PELI2: variants seen among roughly 807,000 people sequenced by gnomAD.
PELI2 encodes E3 ubiquitin-protein ligase pellino homolog 2.
A neutral mutation model predicts 42.3 loss-of-function variants in PELI2; 23 were observed. That is an observed-to-expected ratio of 0.54 (90% CI 0.39 to 0.77). The LOEUF (loss-of-function observed/expected upper bound fraction) is 0.77. PELI2 is among the 30% of genes least tolerant of loss of function. The pLI is 0.00. For missense variants in PELI2, 463 were observed against 553.2 expected (o/e 0.84, Z 1.64); for synonymous variants, 245 against 212.2 (o/e 1.15, Z -1.34).
chr14:56,193,685 G>A (rs1310842338), intron 2 of PELI2, among the ~76,000 whole-genome samples: 1 of 152,176 alleles, frequency 6.6e-6, no homozygotes, highest in Non-Finnish European at 1.5e-5. Flanking sequence ...TCTCAAATAT[G>A]TTAATGACCA....
chr14:56,187,328 A>G (rs747183534), intron 2 of PELI2, among the ~76,000 whole-genome samples: 16 of 152,366 alleles, frequency 1.1e-4, no homozygotes, highest in Non-Finnish European at 2.2e-4. Flanking sequence ...TTGTAGACCT[A>G]CAAGGGACAA....
At chr14:56,233,951 G>C (rs1887685791) in intron 2 of PELI2, among the ~76,000 whole-genome samples, 1 of 152,216 alleles carries the variant, frequency 6.6e-6, no homozygotes, top group Admixed American at 6.5e-5. Context: ...GACATGAACA[G>C]ATACTTCTCA....
intron 2 of PELI2, among the ~76,000 whole-genome samples, chr14:56,271,617 G>T (rs1472635622): frequency 6.6e-6 from 1 of 152,184 alleles, no homozygotes; most frequent in Non-Finnish European, 1.5e-5. Flanking sequence ...ATCTGCAGGG[G>T]AGCCGATACT....
chr14:56,214,440 A>G (rs1886826483), intron 2 of PELI2, among the ~76,000 whole-genome samples: 1 of 152,204 alleles, frequency 6.6e-6, no homozygotes, highest in Non-Finnish European at 1.5e-5. Flanking sequence ...TCTACAAATG[A>G]TAATGTGTAT....
At position 56,256,432 on chromosome 14, in the gene PELI2, A is replaced by G. The variant is rs112889152; in HGVS notation, c.208-23244A>G. On this transcript the variant is annotated intron_variant, in intron 2 of 5. Transcript: ENST00000267460. ...GGAACCACTGCATGCCAGCCTGGGC[A>G]AAGATCGAGACCCTGTCTCAAAAAA... Among the ~76,000 whole-genome samples the G allele has an allele frequency of 5.8e-4, 89 of 152,258 alleles. 1 individual carries two copies. Among genetic ancestry groups the G allele is most frequent in the African/African-American group, 2.0e-3 (85 of 41,542 alleles).
At chr14:56,185,966 G>C (rs1248290004) in intron 2 of PELI2, among the ~76,000 whole-genome samples, 2 of 152,032 alleles carry the variant, frequency 1.3e-5, no homozygotes, top group African/African-American at 2.4e-5. Context: ...TGGAATCTGT[G>C]AATATATTAC....
intron 2 of PELI2, among the ~76,000 whole-genome samples, chr14:56,227,806 T>TG (rs1294700119): frequency 1.3e-5 from 2 of 152,194 alleles, no homozygotes; most frequent in Non-Finnish European, 2.9e-5. Flanking sequence ...AACATTGTGT[T>TG]GTGCCAAAAA....
At chr14:56,251,710 G>A (rs897785873) in intron 2 of PELI2, among the ~76,000 whole-genome samples, 3 of 152,160 alleles carry the variant, frequency 2.0e-5, no homozygotes, top group African/African-American at 4.8e-5. Context: ...TTTTTGACAC[G>A]AACTACTCTT....
At chr14:56,119,518 C>T (rs1298129129) in intron 1 of PELI2, among the ~76,000 whole-genome samples, 1 of 152,228 alleles carries the variant, frequency 6.6e-6, no homozygotes, top group Non-Finnish European at 1.5e-5. Context: ...CCCGCCTCGG[C>T]TCCCTCTCTG....
intron 2 of PELI2, among the ~76,000 whole-genome samples, chr14:56,225,411 G>T (rs1169884716): frequency 1.3e-5 from 2 of 152,228 alleles, no homozygotes; most frequent in Non-Finnish European, 2.9e-5. Flanking sequence ...GCTGTCAGAT[G>T]TGGAGGATGA....
intron 2 of PELI2, among the ~76,000 whole-genome samples, chr14:56,232,219 A>G (rs1304203710): frequency 6.6e-6 from 1 of 152,188 alleles, no homozygotes; most frequent in Non-Finnish European, 1.5e-5. Context: ...AAACTATTCC[A>G]ATCAATAGAA....
At chr14:56,207,402 C>G (rs1453513637) in intron 2 of PELI2, among the ~76,000 whole-genome samples, 3 of 152,100 alleles carry the variant, frequency 2.0e-5, no homozygotes, top group Non-Finnish European at 2.9e-5. Context: ...ACTATGGTAG[C>G]TACTGAGGAT....
chr14:56,276,641 C>G (rs1889300898), intron 2 of PELI2, among the ~76,000 whole-genome samples: 1 of 152,198 alleles, frequency 6.6e-6, no homozygotes, highest in South Asian at 2.1e-4. Context: ...GAGCCACTCC[C>G]CACCTTCATG....
At chr14:56,263,985 C>T (rs1257917993) in intron 2 of PELI2, among the ~76,000 whole-genome samples, 1 of 152,164 alleles carries the variant, frequency 6.6e-6, no homozygotes, top group African/African-American at 2.4e-5. Flanking sequence ...AGTTGATGCT[C>T]ATTATTCACA....
chr14:56,187,371 T>C (rs1566626814), intron 2 of PELI2, among the ~76,000 whole-genome samples: 1 of 152,222 alleles, frequency 6.6e-6, no homozygotes, highest in Non-Finnish European at 1.5e-5. Flanking sequence ...AGTGTTAGGA[T>C]AAGCTGTCAG....
Position 56,197,569 on chromosome 14 carries a change from A to G in PELI2, c.207+19105A>G, listed in dbSNP as rs2139699530. On this transcript the variant is annotated intron_variant, in intron 2 of 5. Coordinates refer to ENST00000267460, the MANE Select transcript of PELI2 (RefSeq NM_021255.3). The surrounding 1 kb of genome is among the most constrained non-coding windows in gnomAD (Gnocchi z 4.9). ...ACAGAGACCAGTTAGAGCCTGTTGC[A>G]TTGGCTTAGACCAGAAATGAAGTGG... Among the ~76,000 whole-genome samples the G allele has an allele frequency of 6.6e-6, 1 of 152,308 alleles. No homozygotes were observed. Among genetic ancestry groups the G allele is most frequent in the East Asian group, 1.9e-4 (1 of 5,176 alleles).
chr14:56,159,294 C>T (rs1566612045), intron 1 of PELI2, among the ~76,000 whole-genome samples: 1 of 152,308 alleles, frequency 6.6e-6, no homozygotes, highest in East Asian at 1.9e-4. Context: ...TGGGTCTTCT[C>T]CAAGTGTCTC....
chr14:56,193,395 G>A (rs777524494), intron 2 of PELI2, among the ~76,000 whole-genome samples: 6 of 152,162 alleles, frequency 3.9e-5, no homozygotes, highest in Non-Finnish European at 8.8e-5. Flanking sequence ...AACCCTGATT[G>A]TGGCCATGAT....
rs150612334 is a variant in PELI2 at position 56,293,432 on chromosome 14, G to A, written c.696+2976G>A. Among the ~76,000 whole-genome samples, 519 of 152,284 alleles carry A rather than the reference G, an allele frequency of 3.4e-3. 2 individuals carry two copies. The highest frequency in any genetic ancestry group is 0.011 in the African/African-American group (473 of 41,552). ...AGTTCTGTGGTATTGAATTGACGAC[G>A]TAACCTCTCTGTGCCTGGCTTCCAC... On this transcript the variant is annotated intron_variant, in intron 5 of 5. Transcript: ENST00000267460.
Sources: allele counts gnomAD v4.1 joint callset (sites outside exome capture counted in the v4.1 genomes callset), GRCh38; gene constraint gnomAD v4.1.1; non-coding constraint Gnocchi (gnomAD v3.1); transcripts MANE v1.5; gene names NCBI Gene and HGNC (gene_info 2026-07-23, HGNC 2026-07-21).